Variants in ZNF346 observed in about 807,000 individuals in gnomAD.
ZNF346 encodes the protein double-stranded RNA-binding zinc finger protein JAZ.
In ZNF346, 23 loss-of-function variants were observed where a neutral mutation model predicts 33.7. The observed-to-expected ratio is 0.68, with a 90% CI of 0.49 to 0.97. The LOEUF (loss-of-function observed/expected upper bound fraction) is 0.97, where lower values mean the gene tolerates loss of function less well. ZNF346 is among the 50% of genes least tolerant of loss of function. The pLI is 0.00. For synonymous variants in ZNF346, 134 were observed against 142.4 expected (o/e 0.94, Z 0.42); for missense variants, 340 against 371.1 (o/e 0.92, Z 0.69).
chr5:177,051,243 C>T (rs1349871256), intron 5 of ZNF346, among the ~76,000 whole-genome samples: 2 of 140,368 alleles, frequency 1.4e-5, no homozygotes, highest in Admixed American at 7.5e-5. Context: ...GGCGCGATCT[C>T]GGCTTACTGC....
At chr5:177,029,495 G>A (rs1204626078) in intron 1 of ZNF346, among the ~76,000 whole-genome samples, 2 of 152,158 alleles carry the variant, frequency 1.3e-5, no homozygotes, top group Non-Finnish European at 2.9e-5. Context: ...GAATGTTAGT[G>A]GCCATGAATC....
intron 8 of ZNF346, among the ~76,000 whole-genome samples, chr5:177,074,227 G>C (rs1783638874): frequency 6.6e-6 from 1 of 152,212 alleles, no homozygotes; most frequent in African/African-American, 2.4e-5. Context: ...AAGCTTCCTA[G>C]TGTCTGTTTA....
chr5:177,061,272 C>T (rs903200165), intron 5 of ZNF346, among the ~76,000 whole-genome samples: 4 of 151,958 alleles, frequency 2.6e-5, no homozygotes, highest in African/African-American at 9.7e-5. Flanking sequence ...TGATAAAACA[C>T]TGTCTCTACC....
At chr5:177,062,599 CT>C (rs33932069) in intron 6 of ZNF346, among the ~76,000 whole-genome samples, 19,657 of 152,144 alleles carry the variant, frequency 0.13, 2,956 homozygotes, top group African/African-American at 0.37. Flanking sequence ...AGTCTCTGCT[CT>C]CCTGACCTTA....
rs1780762916 is a variant in ZNF346 at position 177,050,856 on chromosome 5, A to G, written c.623A>G (p.Lys208Arg). The change falls in exon 5 of 7, where the codon AAA (lysine) becomes AGA (arginine). Residue 208 changes from lysine to arginine, a missense_variant. Physicochemically the swap from Lys to Arg is conservative, Grantham distance 26. Transcript: ENST00000358149. The part of the protein sequence containing the change: ...VMAQQHYVGK[K>R]HRKQETKLKL... ...GCTCAACAACATTATGTGGGCAAGA[A>G]ACACAGAAAACAGGAGACCAAGCTC... 1.2e-6 allele frequency: 2 copies of G among 1,614,060 alleles called. No homozygotes were observed. Among genetic ancestry groups the G allele is most frequent in the Admixed American group, 3.3e-5 (2 of 59,996 alleles).
rs1244085451 is a variant in ZNF346 at position 177,023,322 on chromosome 5, C to T, written c.175+409C>T. 5.2e-6 allele frequency: 5 copies of T among 955,874 alleles called. No individual in the cohort carries two copies. In the South Asian group the frequency reaches 7.0e-5, roughly 13 times the overall value. 59.2% of individuals were successfully genotyped at this position (955,874 alleles called of 1,614,324 possible). The stretch of plus-strand genomic sequence containing the variant: ...CCTCCTAGGGCCTCTCGCCTCCCTT[C>T]TCTCAAGCCCCACACTTCCGAGGGC... On this transcript the variant is annotated intron_variant, in intron 1 of 6. Transcript: ENST00000358149.
At chr5:177,069,166 T>A (rs1162385823), downstream of ZNF346, among the ~76,000 whole-genome samples, 3 of 143,386 alleles carry the variant, frequency 2.1e-5, no homozygotes, top group Non-Finnish European at 4.4e-5. Flanking sequence ...AGTTCAGTTT[T>A]TTTTTTTCAG....
intron 8 of ZNF346, among the ~76,000 whole-genome samples, chr5:177,076,303 T>G (rs1783741031): frequency 6.6e-6 from 1 of 152,204 alleles, no homozygotes; most frequent in Non-Finnish European, 1.5e-5. Flanking sequence ...GAAATGTAGG[T>G]CTTCTACCAA....
rs547006679 is a variant in ZNF346, at chr5:177,077,898, G to A, written c.*3-1484G>A. On this transcript the variant is annotated intron_variant, in intron 8 of 8. Coordinates refer to the ZNF346 transcript ENST00000503039. The surrounding 1 kb of genome is among the most constrained non-coding windows in gnomAD (Gnocchi z 5.0). ...GCGGTGGCTCACGCCTGTAATCCCA[G>A]CACTTTGGGAGGCCGAGGCAGGTGG... is the stretch of plus-strand genomic sequence containing the variant. Among the ~76,000 whole-genome samples the A allele has an allele frequency of 6.6e-6, 1 of 152,306 alleles. No homozygotes were observed. Among genetic ancestry groups the A allele is most frequent in the East Asian group, 1.9e-4 (1 of 5,180 alleles).
At chr5:177,032,264 A>G (rs1777837308) in intron 1 of ZNF346, among the ~76,000 whole-genome samples, 1 of 152,078 alleles carries the variant, frequency 6.6e-6, no homozygotes, top group South Asian at 2.1e-4. Context: ...TTGGCCTCCT[A>G]AAGTGCTGGG....
chr5:177,073,347 A>G (rs556267591), intron 8 of ZNF346, among the ~76,000 whole-genome samples: 1 of 152,354 alleles, frequency 6.6e-6, no homozygotes, highest in Admixed American at 6.5e-5. Flanking sequence ...TCTGTCACAC[A>G]GGCTGGAATG....
At chr5:177,043,392 C>T (rs1779613435) in intron 3 of ZNF346, among the ~76,000 whole-genome samples, 1 of 152,094 alleles carries the variant, frequency 6.6e-6, no homozygotes, top group South Asian at 2.1e-4. Flanking sequence ...AGAGATCAGG[C>T]TTTCTGAGAG....
chr5:177,075,398 C>T lies in ZNF346; in HGVS notation c.*3-3984C>T, dbSNP rs189041432. On this transcript the variant is annotated intron_variant, in intron 8 of 8. Coordinates refer to the ZNF346 transcript ENST00000503039. ...CGGCCTGGGCGACAGAGCCAGACAC[C>T]GTCTCAAAAAACAAACAAACAAAAA... Among the ~76,000 whole-genome samples, 8 of 151,884 alleles carry T rather than the reference C, an allele frequency of 5.3e-5. No individual in the cohort carries two copies. In the East Asian group the frequency reaches 1.5e-3, roughly 29 times the overall value.
downstream of ZNF346, among the ~76,000 whole-genome samples, chr5:177,069,412 C>T (rs893125546): frequency 6.7e-6 from 1 of 149,044 alleles, no homozygotes; most frequent in Admixed American, 6.6e-5. Flanking sequence ...GAGATCGCGC[C>T]ACTGCACTCC....
intron 2 of ZNF346, 42 bp from the exon 3 acceptor site, chr5:177,041,736 T>C: frequency 7.9e-7 from 1 of 1,268,978 alleles, no homozygotes; most frequent in East Asian, 2.3e-5. Context: ...AAGTATGAAG[T>C]AGCATTTGGC....
At chr5:177,038,876 T>TTCGTGTG (rs981637597) in intron 1 of ZNF346, among the ~76,000 whole-genome samples, 2 of 135,452 alleles carry the variant, frequency 1.5e-5, no homozygotes, top group African/African-American at 5.6e-5. Flanking sequence ...CTTCTTCTTC[T>TTCGTGTG]TGTGTGTGTG....
In ZNF346 at chr5:177,066,926, G is replaced by A. The variant is rs1206894945; in HGVS notation, c.*2327G>A. 2.0e-5 allele frequency among the ~76,000 whole-genome samples: 3 copies of A among 152,054 alleles called. No individual in the cohort carries two copies. The highest frequency in any genetic ancestry group is 4.4e-5 in the Non-Finnish European group (3 of 68,018). ...AAAATACGAAAATCAGCTGCGCCTG[G>A]TGGCACACATCTGTAGTCCCAGCTA... On this transcript the variant is annotated 3_prime_UTR_variant, in exon 7 of 7. Transcript: ENST00000358149.
In ZNF346 at chr5:177,046,303, A is replaced by G. The variant is rs972055638; in HGVS notation, c.517+1770A>G. Among the ~76,000 whole-genome samples the G allele has an allele frequency of 2.7e-5, 4 of 148,944 alleles. 1 individual carries two copies. Among genetic ancestry groups the G allele is most frequent in the African/African-American group, 9.8e-5 (4 of 40,820 alleles). On this transcript the variant is annotated intron_variant, in intron 4 of 6. Coordinates refer to ENST00000358149, the MANE Select transcript of ZNF346 (RefSeq NM_012279.4). ...GGGACAGAGCAAGACCTCGTCTCAA[A>G]AAAAAAAAAAAAAAAACCAATTTTA...
chr5:177,055,638 T>C (rs775244629), intron 5 of ZNF346, among the ~76,000 whole-genome samples: 22 of 151,378 alleles, frequency 1.5e-4, no homozygotes, highest in African/African-American at 2.7e-4. Flanking sequence ...AAATAACTTA[T>C]TGATTAAAAT....
Sources: allele counts gnomAD v4.1 joint callset (sites outside exome capture counted in the v4.1 genomes callset), GRCh38; gene constraint gnomAD v4.1.1; non-coding constraint Gnocchi (gnomAD v3.1); transcripts MANE v1.5; gene names NCBI Gene and HGNC (gene_info 2026-07-23, HGNC 2026-07-21).